Variants in DCX observed in about 807,000 individuals in gnomAD.
The protein encoded by DCX is doublecortin.
DCX carries 4 observed loss-of-function variants against 20.9 expected under a neutral mutation model. The ratio of observed to expected loss-of-function variants is 0.19; its 90% CI spans 0.09 to 0.44. The LOEUF (loss-of-function observed/expected upper bound fraction) is 0.44. Ranked by LOEUF, DCX falls within the 20% of genes least tolerant of loss-of-function variation. The pLI is 0.99. For synonymous variants in DCX, 103 were observed against 111.4 expected, an observed-to-expected ratio of 0.92 and a Z score of 0.47; for missense variants, 133 against 296.9, an observed-to-expected ratio of 0.45 and a Z score of 4.06.
chrX:111,373,040 A>G (rs993598848), intron 3 of DCX, among the ~76,000 whole-genome samples: 2 of 109,147 alleles, frequency 1.8e-5, no homozygotes, highest in Non-Finnish European at 3.8e-5. Context: ...AACAGAGGAA[A>G]GCTGATAACA....
At chrX:111,367,205 G>A (rs1346443646) in intron 3 of DCX, among the ~76,000 whole-genome samples, 1 of 111,766 alleles carries the variant, frequency 8.9e-6, no homozygotes, top group African/African-American at 3.3e-5. Context: ...AGGGAGCAGA[G>A]ATAGGCTGAA....
chrX:111,406,317 G>A (rs746708356), intron 2 of DCX, among the ~76,000 whole-genome samples: 15 of 111,948 alleles, frequency 1.3e-4, no homozygotes, highest in South Asian at 3.7e-4. Flanking sequence ...AAAGGCAGCC[G>A]GGTTTGGAAA....
chrX:111,373,051 CAATGAAATGAAATGAAATGA>C (rs200014473), intron 3 of DCX, among the ~76,000 whole-genome samples: 1 of 107,744 alleles, frequency 9.3e-6, no homozygotes, highest in Non-Finnish European at 1.9e-5. Flanking sequence ...GCTGATAACA[CAATGAAATGAAATGAAATGA>C]AATGAAATGA....
intron 5 of DCX, among the ~76,000 whole-genome samples, chrX:111,324,851 G>T (rs2095095916): frequency 9.0e-6 from 1 of 111,584 alleles, no homozygotes; most frequent in Non-Finnish European, 1.9e-5. Context: ...ACATTCAGTT[G>T]TATGTAAACA....
intron 2 of DCX, among the ~76,000 whole-genome samples, chrX:111,405,718 AC>A (rs1172035250): frequency 8.9e-6 from 1 of 111,749 alleles, no homozygotes; most frequent in Non-Finnish European, 1.9e-5. Context: ...AATAAAAAAA[AC>A]AAAGACATGA....
intron 5 of DCX, among the ~76,000 whole-genome samples, chrX:111,327,910 C>T (rs778965642): frequency 1.8e-5 from 2 of 112,745 alleles, no homozygotes; most frequent in African/African-American, 6.4e-5. Flanking sequence ...GGTTATGTTA[C>T]AGCCCTTCAG....
intron 3 of DCX, among the ~76,000 whole-genome samples, chrX:111,398,988 T>C (rs751203958): frequency 9.1e-6 from 1 of 110,408 alleles, no homozygotes; most frequent in Non-Finnish European, 1.9e-5. Context: ...GCAGCGTGCG[T>C]CTGTAGTCCC....
chrX:111,384,557 A>G (rs1244867510), intron 3 of DCX, among the ~76,000 whole-genome samples: 1 of 111,594 alleles, frequency 9.0e-6, no homozygotes, highest in Non-Finnish European at 1.9e-5. Flanking sequence ...TGGTCCCTAT[A>G]GAGTCTCCCA....
chrX:111,384,375 C>A (rs1270531289), intron 3 of DCX, among the ~76,000 whole-genome samples: 2 of 111,231 alleles, frequency 1.8e-5, no homozygotes, highest in African/African-American at 6.5e-5. Flanking sequence ...TGAGCATATA[C>A]CATGTTCCAG....
chrX:111,411,238 T>C (rs1454456375), intron 1 of DCX: 17 of 342,357 alleles, frequency 5.0e-5, no homozygotes, highest in Non-Finnish European at 8.2e-5. Flanking sequence ...ATCCTTTTTT[T>C]TCCCCCCCAG....
chrX:111,377,616 C>T (rs957843289), intron 3 of DCX, among the ~76,000 whole-genome samples: 9 of 111,548 alleles, frequency 8.1e-5, no homozygotes, highest in Non-Finnish European at 1.3e-4. Context: ...ACCACTCCTA[C>T]GTGTGAAAAT....
intron 3 of DCX, among the ~76,000 whole-genome samples, chrX:111,364,470 T>C (rs1218054695): frequency 8.9e-6 from 1 of 112,464 alleles, no homozygotes; most frequent in Non-Finnish European, 1.9e-5. Context: ...TTGGTGAGGA[T>C]GTCAGGAAAT....
intron 5 of DCX, among the ~76,000 whole-genome samples, chrX:111,326,894 G>A (rs991836832): frequency 4.5e-5 from 5 of 111,756 alleles, no homozygotes; most frequent in East Asian, 5.6e-4. Flanking sequence ...AGACCAAATA[G>A]CATCAATTTA....
At chrX:111,361,383 T>G (rs1432121988) in intron 3 of DCX, among the ~76,000 whole-genome samples, 1 of 112,280 alleles carries the variant, frequency 8.9e-6, no homozygotes, top group Non-Finnish European at 1.9e-5. Flanking sequence ...AGAGGAATTT[T>G]TGTTTTGCAT....
In DCX at chrX:111,396,807, C is replaced by T. The variant is rs192812612; in HGVS notation, c.705+4183G>A. Among the ~76,000 whole-genome samples, 166 of 111,666 alleles carry T rather than the reference C, an allele frequency of 1.5e-3. 1 individual carries two copies. The highest frequency in any genetic ancestry group is 2.4e-3 in the Non-Finnish European group (129 of 53,118). On this transcript the variant is annotated intron_variant, in intron 3 of 6. Coordinates refer to ENST00000636035, the MANE Select transcript of DCX (RefSeq NM_001195553.2). ...TCCTCTATCATGTCCTCTTTGACCT[C>T]CTAGAAGTCCATTTTAATCCCTGGG...
intron 3 of DCX, among the ~76,000 whole-genome samples, chrX:111,390,769 C>A (rs1032588444): frequency 1.8e-5 from 2 of 110,639 alleles, no homozygotes; most frequent in African/African-American, 6.6e-5. Context: ...GAGGCTGAGG[C>A]GGGCAGATCA....
At chrX:111,392,552 A>G (rs776888054) in intron 3 of DCX, among the ~76,000 whole-genome samples, 1 of 111,704 alleles carries the variant, frequency 9.0e-6, no homozygotes, top group Non-Finnish European at 1.9e-5. Flanking sequence ...GTCACTTAGC[A>G]TATATACATG....
intron 5 of DCX, among the ~76,000 whole-genome samples, chrX:111,323,603 GTT>G (rs780794851): frequency 0.021 from 1,103 of 52,111 alleles, 29 homozygotes; most frequent in African/African-American, 0.077. Context: ...TATTATTTCT[GTT>G]TTTTTTTTTT....
At chrX:111,335,216 C>T (rs1015506192) in intron 3 of DCX, among the ~76,000 whole-genome samples, 3 of 112,146 alleles carry the variant, frequency 2.7e-5, no homozygotes, top group Non-Finnish European at 5.6e-5. Flanking sequence ...TGTTAGTGGT[C>T]TCAAGGATTT....
Sources: gnomAD v4.1 joint callset for allele counts (sites outside exome capture counted in the v4.1 genomes callset) on GRCh38, gnomAD v4.1.1 for gene constraint, MANE v1.5 for transcripts, NCBI Gene and HGNC (gene_info 2026-07-23, HGNC 2026-07-21) for gene names.